The following ILDR2 variants were observed in gnomAD, a reference collection of about 807,000 sequenced individuals.
The protein encoded by ILDR2 is immunoglobulin like domain containing receptor 2, also known as immunoglobulin-like domain-containing receptor 2.
Under a neutral mutation model 66.8 loss-of-function variants are expected in ILDR2, and 25 were observed. The observed-to-expected ratio is 0.37, with a 90% CI of 0.27 to 0.52. The LOEUF (loss-of-function observed/expected upper bound fraction) is 0.52. ILDR2 is among the 20% of genes least tolerant of loss of function. The pLI, the probability that ILDR2 is intolerant of heterozygous loss-of-function variation, is 0.88. For synonymous variants in ILDR2, 367 were observed against 357.2 expected, an observed-to-expected ratio of 1.03 and a Z score of -0.31; for missense variants, 827 against 876.8, an observed-to-expected ratio of 0.94 and a Z score of 0.72.
At position 166,915,594 on chromosome 1, in the gene ILDR2, A is replaced by T. The variant is rs1192756111; in HGVS notation, c.*3761T>A. On this transcript the variant is annotated 3_prime_UTR_variant, in exon 10 of 10. Transcript: ENST00000271417. The stretch of plus-strand genomic sequence containing the variant: ...CAGAGGTTGGGAGTCTAAAGACCTA[A>T]TAGGTTTGTGACTTCATTAATGGCA... 6.6e-6 allele frequency: 1 copy of T among 152,202 alleles called. No homozygotes were observed. The highest frequency in any genetic ancestry group is 1.5e-5 in the Non-Finnish European group (1 of 68,032). 9.4% of individuals were successfully genotyped at this position (152,202 alleles called of 1,614,324 possible). A position where few individuals can be genotyped will look rare whatever the true frequency, so the allele number is the denominator to read the frequency against.
In ILDR2 at chr1:166,921,505, C is replaced by A; in HGVS notation, c.1212-126G>T. 1.3e-6 allele frequency: 1 copy of A among 768,050 alleles called. No individual in the cohort carries two copies. The highest frequency in any genetic ancestry group is 2.7e-5 in the East Asian group (1 of 36,446). The allele number at this position is 768,050 out of a possible 1,614,324, so 47.6% of individuals were successfully genotyped here. ...GACCTCGGCCTGAGCCTCAGCTCCG[C>A]TCCAGGCTGGATGAAGCATTCCAGG... On this transcript the variant is annotated intron_variant, in intron 8 of 9. Transcript: ENST00000271417. The surrounding 1 kb of genome is among the most constrained non-coding windows in gnomAD (Gnocchi z 5.3).
chr1:166,934,989 C>G (rs1660858453), intron 6 of ILDR2, among the ~76,000 whole-genome samples: 1 of 152,200 alleles, frequency 6.6e-6, no homozygotes, highest in Non-Finnish European at 1.5e-5. Flanking sequence ...TAGTAGTGGA[C>G]TCCTGTAGGT....
intron 1 of ILDR2, among the ~76,000 whole-genome samples, chr1:166,970,140 G>C (rs1663198711): frequency 6.6e-6 from 1 of 152,218 alleles, no homozygotes. Context: ...ATTGGCTGGA[G>C]TAAGATTCAT....
In ILDR2 at chr1:166,935,873, T is replaced by A. The variant is rs1009508161; in HGVS notation, c.704-396A>T. Among the ~76,000 whole-genome samples, 13 of 152,172 alleles carry A rather than the reference T, an allele frequency of 8.5e-5. 1 individual carries two copies. The highest frequency in any genetic ancestry group is 2.9e-4 in the African/African-American group (12 of 41,448). ...GCTGCTTCAAGGAGGATCCTGAACC[T>A]TCTCTTGAGAAGGAAAGCAAGTAAT... On this transcript the variant is annotated intron_variant, in intron 5 of 9. Coordinates refer to ENST00000271417, the MANE Select transcript of ILDR2 (RefSeq NM_199351.3).
At chr1:166,947,443 A>C (rs1224853195) in intron 3 of ILDR2, among the ~76,000 whole-genome samples, 1 of 152,238 alleles carries the variant, frequency 6.6e-6, no homozygotes, top group Non-Finnish European at 1.5e-5. Flanking sequence ...AGGGGTTGGC[A>C]TGGGGCCTTT....
Position 166,936,854 on chromosome 1 carries a change from C to T in ILDR2, c.557-117G>A. The T allele has an allele frequency of 1.0e-6, 1 of 961,014 alleles. No homozygotes were observed. The highest frequency in any genetic ancestry group is 1.6e-6 in the Non-Finnish European group (1 of 629,262). The allele number at this position is 961,014 out of a possible 1,614,324, so 59.5% of individuals were successfully genotyped here. A position where few individuals can be genotyped will look rare whatever the true frequency, so the allele number is the denominator to read the frequency against. On this transcript the variant is annotated intron_variant, in intron 4 of 9. Coordinates refer to ENST00000271417, the MANE Select transcript of ILDR2 (RefSeq NM_199351.3). This position sits in a 1 kb window ranked among gnomAD's most constrained non-coding sequence, Gnocchi z 5.0. ...AGGAGGAGGGACCTAGGGAAGAAAG[C>T]TTCTCTTAACAGGAGACAGAGCCCC...
chr1:166,965,003 C>A (rs554991861), intron 1 of ILDR2, among the ~76,000 whole-genome samples: 2 of 152,234 alleles, frequency 1.3e-5, no homozygotes, highest in African/African-American at 4.8e-5. Flanking sequence ...AAGATTGCTG[C>A]TAAAGGTCAT....
chr1:166,934,196 C>T (rs1386080603), intron 6 of ILDR2, among the ~76,000 whole-genome samples: 1 of 152,138 alleles, frequency 6.6e-6, no homozygotes, highest in Non-Finnish European at 1.5e-5. Context: ...TACCCTGCCC[C>T]TCCACCTATA....
At chr1:166,898,708 AT>A (rs898353119) in intron 2 of ILDR2, among the ~76,000 whole-genome samples, 28 of 151,994 alleles carry the variant, frequency 1.8e-4, no homozygotes, top group African/African-American at 6.5e-4. Context: ...AAAGACATTC[AT>A]TTTTTTTCCT....
chr1:166,975,161 T>G, intron 1 of ILDR2, 62 bp downstream of exon 1: 1 of 1,373,954 alleles, frequency 7.3e-7, no homozygotes, highest in South Asian at 1.2e-5. Flanking sequence ...GGGGGCGCGG[T>G]GAGAACAGAA....
chr1:166,907,558 A>T (rs1256124491), downstream of ILDR2, among the ~76,000 whole-genome samples: 1 of 152,160 alleles, frequency 6.6e-6, no homozygotes, highest in Non-Finnish European at 1.5e-5. Context: ...TGTTGCTCTA[A>T]ATTTGCTAAA....
At position 166,936,915 on chromosome 1, in the gene ILDR2, G is replaced by A. The variant is rs914106004; in HGVS notation, c.557-178C>T. On this transcript the variant is annotated intron_variant, in intron 4 of 9. Transcript: ENST00000271417. The surrounding 1 kb of genome is among the most constrained non-coding windows in gnomAD (Gnocchi z 5.0). ...AGGAACTCTGAGAGTCAGGAGTGCA[G>A]ACCCTCAGTCCCGGGGAATGGAGAA... Among the ~76,000 whole-genome samples, 1 of 152,162 alleles carries A rather than the reference G, an allele frequency of 6.6e-6. No individual in the cohort carries two copies. The highest frequency in any genetic ancestry group is 2.4e-5 in the African/African-American group (1 of 41,424).
chr1:166,918,162 G>A lies in ILDR2; in HGVS notation c.*1193C>T, dbSNP rs568347905. 1 of 152,298 alleles carries A rather than the reference G, an allele frequency of 6.6e-6. No individual in the cohort carries two copies. The highest frequency in any genetic ancestry group is 2.1e-4 in the South Asian group (1 of 4,824). 9.4% of individuals were successfully genotyped at this position (152,298 alleles called of 1,614,324 possible). A position where few individuals can be genotyped will look rare whatever the true frequency, so the allele number is the denominator to read the frequency against. On this transcript the variant is annotated 3_prime_UTR_variant, in exon 10 of 10. Transcript: ENST00000271417. The stretch of plus-strand genomic sequence containing the variant: ...GGCAAAATCTATCATTTAGGCAAGG[G>A]TGGGAATAGGAAGTACTCCTTCCTG...
chr1:166,960,017 G>T, intron 1 of ILDR2, among the ~76,000 whole-genome samples: 1 of 152,114 alleles, frequency 6.6e-6, no homozygotes, highest in East Asian at 1.9e-4. Flanking sequence ...CACTCCCACA[G>T]CTAAAGCATA....
intron 2 of ILDR2, among the ~76,000 whole-genome samples, chr1:166,900,219 C>T (rs1415624370): frequency 6.6e-6 from 1 of 151,772 alleles, no homozygotes; most frequent in Non-Finnish European, 1.5e-5. Flanking sequence ...TCTATTGCTA[C>T]CCTTTCATGC....
At chr1:166,957,457 GT>G (rs1246036057) in intron 2 of ILDR2, among the ~76,000 whole-genome samples, 3 of 152,144 alleles carry the variant, frequency 2.0e-5, no homozygotes, top group Non-Finnish European at 4.4e-5. Flanking sequence ...GGCTGAAGAA[GT>G]TTTTCCCCTA....
intron 7 of ILDR2, 111 bp from the exon 8 acceptor site, chr1:166,922,920 T>C: frequency 1.1e-6 from 1 of 891,702 alleles, no homozygotes. Context: ...TCCTGCCTCA[T>C]TGCTGTCCAG....
rs190379094 is a variant in ILDR2, at chr1:166,968,457, C to A, written c.46+6766G>T. On this transcript the variant is annotated intron_variant, in intron 1 of 9. Coordinates refer to ENST00000271417, the MANE Select transcript of ILDR2 (RefSeq NM_199351.3). ...TTCTTATTTAACCATCTATCTCCCC[C>A]ACTAATAAAAAGCTCCCTCTGCAGA... 3.3e-5 allele frequency among the ~76,000 whole-genome samples: 5 copies of A among 152,254 alleles called. 1 individual carries two copies. The East Asian group carries it at 9.7e-4, about 29-fold the overall frequency.
At chr1:166,937,787 A>T (rs977010651) in intron 4 of ILDR2, among the ~76,000 whole-genome samples, 8 of 152,242 alleles carry the variant, frequency 5.3e-5, no homozygotes, top group African/African-American at 1.9e-4. Flanking sequence ...AAAGCCAAAA[A>T]GACTAAAGCA....
Sources: gnomAD v4.1 joint callset for allele counts (sites outside exome capture counted in the v4.1 genomes callset) on GRCh38, gnomAD v4.1.1 for gene constraint, Gnocchi (gnomAD v3.1) non-coding constraint, MANE v1.5 for transcripts, NCBI Gene and HGNC (gene_info 2026-07-23, HGNC 2026-07-21) for gene names.